The following GRK3 variants were observed in gnomAD, a reference collection of about 807,000 sequenced individuals.
The protein encoded by GRK3 is adrenergic, beta, receptor kinase 2.
In GRK3, 54 loss-of-function variants were observed where a neutral mutation model predicts 95.7. The observed-to-expected ratio is 0.56, with a 90% CI of 0.45 to 0.71. GRK3 has a LOEUF of 0.71. Among genes scored for constraint, GRK3 ranks in the 30% least tolerant of loss-of-function variants. GRK3 has a pLI of 0.00. For missense variants in GRK3, 649 were observed against 851.2 expected, an observed-to-expected ratio of 0.76 and a Z score of 2.96; for synonymous variants, 281 against 290.8, an observed-to-expected ratio of 0.97 and a Z score of 0.34.
In GRK3 at chr22:25,604,418, A is replaced by T; in HGVS notation, c.155A>T (p.Glu52Val). Residue 52 changes from glutamate to valine, a missense_variant, in exon 2 of 21, where the codon GAA becomes GTA. Physicochemically the swap from Glu to Val is moderately radical, Grantham distance 121. Around this residue, in one of 3 missense-constraint regions of GRK3, gnomAD observed 206 missense variants for 231.4 expected, o/e 0.89. Coordinates refer to ENST00000324198, the MANE Select transcript of GRK3 (RefSeq NM_005160.4). ...CAGAAGTACCTTGCAGAGAGAAATG[A>T]AATAACCTTTGACAAGATTTTCAAT... Reference protein sequence around the residue: ...VMQKYLAERNEITFDKIFNQK... With the variant: ...VMQKYLAERNVITFDKIFNQK... 1 of 1,612,324 alleles carries T rather than the reference A, an allele frequency of 6.2e-7. No homozygotes were observed. Among genetic ancestry groups the T allele is most frequent in the Non-Finnish European group, 8.5e-7 (1 of 1,179,336 alleles).
intron 16 of GRK3, 22 bp downstream of exon 16, chr22:25,709,986 T>G: frequency 6.4e-7 from 1 of 1,552,064 alleles, no homozygotes; most frequent in Non-Finnish European, 8.9e-7. Context: ...CTCTTGACTC[T>G]ACTTACGGTA....
chr22:25,676,628 T>C (rs2085031753), intron 8 of GRK3, among the ~76,000 whole-genome samples: 1 of 151,622 alleles, frequency 6.6e-6, no homozygotes, highest in Non-Finnish European at 1.5e-5. Context: ...GAGGTGGAAG[T>C]TGCAGTGAAC....
chr22:25,609,180 G>T (rs6004717), intron 2 of GRK3, among the ~76,000 whole-genome samples: 369 of 152,226 alleles, frequency 2.4e-3, no homozygotes, highest in African/African-American at 8.4e-3. Context: ...TCTTCTTTAA[G>T]ATACATTGAA....
chr22:25,583,010 G>A (rs780512729), intron 1 of GRK3, among the ~76,000 whole-genome samples: 2 of 152,170 alleles, frequency 1.3e-5, no homozygotes, highest in East Asian at 1.9e-4. Flanking sequence ...AAATTACATT[G>A]CATGACCTTC....
intron 4 of GRK3, among the ~76,000 whole-genome samples, 199 bp from the exon 5 acceptor site, chr22:25,663,431 A>C (rs1021885769): frequency 2.6e-5 from 4 of 152,184 alleles, no homozygotes; most frequent in Non-Finnish European, 5.9e-5. Flanking sequence ...GTATCTAAGA[A>C]CTGGATGCCC....
At chr22:25,609,224 G>A (rs1320154708) in intron 2 of GRK3, among the ~76,000 whole-genome samples, 20 of 152,162 alleles carry the variant, frequency 1.3e-4, no homozygotes, top group Non-Finnish European at 2.9e-5. Flanking sequence ...GAGGCACATG[G>A]CATTTGATAA....
Position 25,722,554 on chromosome 22 carries a change from C to A in GRK3, c.*104C>A. On this transcript the variant is annotated 3_prime_UTR_variant, in exon 21 of 21. Transcript: ENST00000324198. ...GATCTATTCGCTACCGGGACTCCTC[C>A]AGGCTCCCGAGAGGAGTCGGGACCC... 1 of 1,272,106 alleles carries A rather than the reference C, an allele frequency of 7.9e-7. No homozygotes were observed. The highest frequency in any genetic ancestry group is 1.1e-6 in the Non-Finnish European group (1 of 919,110). 78.8% of individuals were successfully genotyped at this position (1,272,106 alleles called of 1,614,324 possible).
chr22:25,570,109 C>T (rs561245167), intron 1 of GRK3, among the ~76,000 whole-genome samples: 66 of 152,284 alleles, frequency 4.3e-4, no homozygotes, highest in African/African-American at 1.4e-3. Context: ...AATCCTTTTT[C>T]GTACTCTCCC....
At position 25,710,670 on chromosome 22, in the gene GRK3, C is replaced by T. The variant is rs145355187; in HGVS notation, c.1396-398C>T. Among the ~76,000 whole-genome samples, 34 of 152,282 alleles carry T rather than the reference C, an allele frequency of 2.2e-4. No individual in the cohort carries two copies. In the East Asian group the frequency reaches 2.3e-3, roughly 10 times the overall value. ...GGGTCAGTTAACACATACCTTGGAG[C>T]GTTTGCAGATGTGCCCTGCTCCCTC... On this transcript the variant is annotated intron_variant, in intron 16 of 20. Transcript: ENST00000324198.
chr22:25,601,195 C>G lies in GRK3; in HGVS notation c.114-3182C>G, dbSNP rs150215628. Among the ~76,000 whole-genome samples the G allele has an allele frequency of 2.4e-4, 36 of 152,304 alleles. No individual in the cohort carries two copies. The East Asian group carries it at 6.8e-3, about 29-fold the overall frequency. ...GGTGTTTATGAATCAGTCTATCCAACAGCAGCATACACATTCCCTTTAAGT... is the reference window on the plus strand; with the variant it reads ...GGTGTTTATGAATCAGTCTATCCAAGAGCAGCATACACATTCCCTTTAAGT... On this transcript the variant is annotated intron_variant, in intron 1 of 20. Coordinates refer to ENST00000324198, the MANE Select transcript of GRK3 (RefSeq NM_005160.4).
chr22:25,698,148 A>C (rs1601534566), intron 13 of GRK3, among the ~76,000 whole-genome samples: 1 of 141,182 alleles, frequency 7.1e-6, no homozygotes, highest in Non-Finnish European at 1.6e-5. Context: ...GGAGGAAGGA[A>C]GGAAGGAAGA....
intron 1 of GRK3, among the ~76,000 whole-genome samples, chr22:25,577,124 A>G (rs562382534): frequency 6.6e-6 from 1 of 152,270 alleles, no homozygotes; most frequent in South Asian, 2.1e-4. Flanking sequence ...CCAGTTGGTA[A>G]ATGAGTATCC....
At chr22:25,653,362 C>G (rs565389802) in intron 3 of GRK3, among the ~76,000 whole-genome samples, 1 of 152,094 alleles carries the variant, frequency 6.6e-6, no homozygotes. Flanking sequence ...AAAGCAAAGC[C>G]GGCATAACTA....
chr22:25,690,146 C>A (rs2146437827), intron 11 of GRK3, 43 bp from the exon 12 acceptor site: 1 of 1,470,798 alleles, frequency 6.8e-7, no homozygotes, highest in African/African-American at 1.4e-5. Flanking sequence ...GCCTGCATGG[C>A]ATTTGGGGCA....
At chr22:25,587,600 T>C (rs1364793289) in intron 1 of GRK3, among the ~76,000 whole-genome samples, 1 of 151,994 alleles carries the variant, frequency 6.6e-6, no homozygotes, top group Non-Finnish European at 1.5e-5. Context: ...GGGTAATTTT[T>C]TTATAGTTTT....
In GRK3 at chr22:25,721,376, A is replaced by G. The variant is rs34547495; in HGVS notation, c.1884A>G (p.Lys628=). 8.9e-4 allele frequency: 1,415 copies of G among 1,589,224 alleles called. 13 individuals carry two copies. The African/African-American group carries it at 0.017, about 19-fold the overall frequency. Residue 628 remains lysine (K), a synonymous_variant, in exon 20 of 21, where the codon AAA becomes AAG. Transcript: ENST00000324198. ...KCILFRIKGG[K]QFVLQCESDP... ...TTTTGTTCAGAATAAAAGGAGGGAA[A>G]CAATTTGTCTTGCAATGTGAGGTGA...
chr22:25,693,948 C>T (rs953061669), intron 12 of GRK3, among the ~76,000 whole-genome samples: 5 of 151,972 alleles, frequency 3.3e-5, no homozygotes, highest in Admixed American at 1.3e-4. Context: ...TGCGCCACCA[C>T]GCCTGGCTAA....
At chr22:25,575,736 T>C (rs1354716209) in intron 1 of GRK3, among the ~76,000 whole-genome samples, 3 of 152,352 alleles carry the variant, frequency 2.0e-5, no homozygotes, top group South Asian at 2.1e-4. Context: ...GTAGAAATTT[T>C]AAAAAGAAAA....
At chr22:25,712,691 A>G (rs984504204) in intron 17 of GRK3, among the ~76,000 whole-genome samples, 1 of 152,226 alleles carries the variant, frequency 6.6e-6, no homozygotes, top group Non-Finnish European at 1.5e-5. Flanking sequence ...TCACCTGTAA[A>G]GTGGGTGGTT....
Sources: allele counts gnomAD v4.1 joint callset (sites outside exome capture counted in the v4.1 genomes callset), GRCh38; gene constraint gnomAD v4.1.1; regional missense constraint gnomAD v4.1.1; transcripts MANE v1.5; gene names NCBI Gene and HGNC (gene_info 2026-07-23, HGNC 2026-07-21).